The following NRG3 variants were observed in gnomAD, a reference collection of about 807,000 sequenced individuals.
The protein encoded by NRG3 is neuregulin 3, also known as pro-neuregulin-3, membrane-bound isoform.
NRG3 carries 31 observed loss-of-function variants against 66.9 expected under a neutral mutation model. That is an observed-to-expected ratio of 0.46 (90% CI 0.35 to 0.63). The LOEUF (loss-of-function observed/expected upper bound fraction) is 0.63, where lower values mean the gene tolerates loss of function less well. Among genes scored for constraint, NRG3 ranks in the 20% least tolerant of loss-of-function variants. The probability of loss-of-function intolerance (pLI) is 0.00; values close to 1 mark genes in which losing one functional copy is unlikely to be tolerated. For synonymous variants in NRG3, 393 were observed against 359.4 expected (o/e 1.09, Z -1.06); for missense variants, 910 against 878.9 (o/e 1.04, Z -0.45).
chr10:82,491,641 A>G (rs1843158664), intron 2 of NRG3, among the ~76,000 whole-genome samples: 1 of 152,022 alleles, frequency 6.6e-6, no homozygotes, highest in Non-Finnish European at 1.5e-5. Flanking sequence ...CTAGTGTCTA[A>G]TTTCCTACCA....
intron 4 of NRG3, among the ~76,000 whole-genome samples, chr10:82,920,538 A>G (rs900390978): frequency 3.9e-5 from 6 of 152,270 alleles, no homozygotes; most frequent in African/African-American, 1.4e-4. Flanking sequence ...GAGAGAGCCT[A>G]GAAGCAACGA....
chr10:82,027,346 C>G (rs765303689), intron 1 of NRG3, among the ~76,000 whole-genome samples: 6 of 151,998 alleles, frequency 3.9e-5, no homozygotes, highest in Non-Finnish European at 7.4e-5. Context: ...TGAAGCCATC[C>G]TTGTCTTGAA....
intron 3 of NRG3, among the ~76,000 whole-genome samples, chr10:82,756,311 T>C (rs1015205984): frequency 2.0e-5 from 3 of 152,148 alleles, no homozygotes; most frequent in Admixed American, 2.0e-4. Flanking sequence ...TTCTGACTAA[T>C]TCTGTTTGGG....
intron 2 of NRG3, among the ~76,000 whole-genome samples, chr10:82,384,600 A>G (rs2085856691): frequency 1.3e-5 from 2 of 152,160 alleles, no homozygotes; most frequent in African/African-American, 4.8e-5. Context: ...CCCTGCAGAG[A>G]AAATGATCTC....
intron 2 of NRG3, among the ~76,000 whole-genome samples, chr10:82,719,181 A>G (rs915347): frequency 0.87 from 132,575 of 152,152 alleles, 57,916 homozygotes; most frequent in African/African-American, 0.92. Flanking sequence ...GTTGTGTGAG[A>G]GTGAGAGTGT....
intron 1 of NRG3, among the ~76,000 whole-genome samples, chr10:82,187,429 A>G (rs1351613514): frequency 6.6e-6 from 1 of 152,184 alleles, no homozygotes; most frequent in African/African-American, 2.4e-5. Context: ...TTGAAGAAAC[A>G]CATGCAAAGA....
intron 2 of NRG3, among the ~76,000 whole-genome samples, chr10:82,723,162 T>A (rs2057402841): frequency 1.3e-5 from 2 of 152,150 alleles, no homozygotes; most frequent in South Asian, 4.1e-4. Context: ...AATTACATCT[T>A]TCACAAAACA....
intron 2 of NRG3, among the ~76,000 whole-genome samples, chr10:82,384,251 A>G (rs1164496176): frequency 6.6e-6 from 1 of 152,118 alleles, no homozygotes; most frequent in Non-Finnish European, 1.5e-5. Context: ...TGAAACTATA[A>G]AACTTTATTT....
chr10:82,949,706 G>A (rs1171476806), intron 4 of NRG3, among the ~76,000 whole-genome samples: 2 of 151,868 alleles, frequency 1.3e-5, no homozygotes. Context: ...AGTACAAAAA[G>A]TAGCTAAGCA....
At chr10:82,883,906 C>T (rs780446125) in intron 4 of NRG3, among the ~76,000 whole-genome samples, 16 of 151,120 alleles carry the variant, frequency 1.1e-4, no homozygotes, top group Non-Finnish European at 1.9e-4. Context: ...AGTTGTGTCT[C>T]TCTCCAGGAG....
chr10:82,419,105 G>T (rs1159212660), intron 2 of NRG3, among the ~76,000 whole-genome samples: 3 of 152,134 alleles, frequency 2.0e-5, no homozygotes, highest in African/African-American at 7.2e-5. Context: ...GGAAATACAA[G>T]CATTACATCT....
rs555687975 is a variant in NRG3 at position 82,522,056 on chromosome 10, T to C, written c.953+163188T>C. Among the ~76,000 whole-genome samples the C allele has an allele frequency of 2.7e-5, 4 of 149,504 alleles. No individual in the cohort carries two copies. The East Asian group carries it at 7.9e-4, about 29-fold the overall frequency. The stretch of plus-strand genomic sequence containing the variant: ...GCTGAAGTCTTTTTTTTTTTTTTTT[T>C]TTTTTGAGACAGAGTCTCTCTCTTT... On this transcript the variant is annotated intron_variant, in intron 2 of 8. Coordinates refer to ENST00000372141, the MANE Select transcript of NRG3 (RefSeq NM_001010848.4).
At chr10:82,285,139 G>A (rs59077810) in intron 1 of NRG3, among the ~76,000 whole-genome samples, 2,587 of 152,086 alleles carry the variant, frequency 0.017, 70 homozygotes, top group African/African-American at 0.057. Flanking sequence ...GTTTAGCCCC[G>A]AGCAAAAAAA....
intron 6 of NRG3, among the ~76,000 whole-genome samples, chr10:82,962,771 A>G (rs1266689588): frequency 6.6e-6 from 1 of 152,072 alleles, no homozygotes. Context: ...CCCGGGAGGC[A>G]GAGGTTGCAG....
chr10:82,236,874 C>A (rs2076781284), intron 1 of NRG3, among the ~76,000 whole-genome samples: 1 of 151,966 alleles, frequency 6.6e-6, no homozygotes, highest in Non-Finnish European at 1.5e-5. Context: ...CACCACAACG[C>A]CCAGCTAGCT....
chr10:82,640,223 A>ATGT (rs2050475995), intron 2 of NRG3, among the ~76,000 whole-genome samples: 1 of 152,240 alleles, frequency 6.6e-6, no homozygotes, highest in African/African-American at 2.4e-5. Flanking sequence ...TATTCATTGC[A>ATGT]GCACTATTCA....
chr10:82,390,575 GCT>G, intron 2 of NRG3, among the ~76,000 whole-genome samples: 1 of 152,170 alleles, frequency 6.6e-6, no homozygotes, highest in East Asian at 1.9e-4. Flanking sequence ...TATTAATAAT[GCT>G]CTTTTACTTT....
intron 1 of NRG3, among the ~76,000 whole-genome samples, chr10:82,178,068 A>C (rs1015211057): frequency 6.6e-6 from 1 of 152,212 alleles, no homozygotes; most frequent in Non-Finnish European, 1.5e-5. Context: ...AGTAAAATTA[A>C]TATGAGAAGA....
At chr10:82,486,322 A>G (rs1200335920) in intron 2 of NRG3, among the ~76,000 whole-genome samples, 1 of 152,256 alleles carries the variant, frequency 6.6e-6, no homozygotes, top group East Asian at 1.9e-4. Context: ...TCCCATATTC[A>G]ATGAAGCATT....
Sources: allele counts gnomAD v4.1 joint callset (sites outside exome capture counted in the v4.1 genomes callset), GRCh38; gene constraint gnomAD v4.1.1; transcripts MANE v1.5; gene names NCBI Gene and HGNC (gene_info 2026-07-23, HGNC 2026-07-21).